The following ACOXL variants were observed in gnomAD, a reference collection of about 807,000 sequenced individuals.
The protein encoded by ACOXL is acyl-coenzyme A oxidase-like protein.
In ACOXL, 70 loss-of-function variants were observed where a neutral mutation model predicts 71.9. That is an observed-to-expected ratio of 0.97 (90% CI 0.80 to 1.19). ACOXL has a LOEUF of 1.19. ACOXL is among the 50% of genes most tolerant of loss of function. The pLI is 0.00. For missense variants in ACOXL, 703 were observed against 736.3 expected, an observed-to-expected ratio of 0.95 and a Z score of 0.52; for synonymous variants, 253 against 281.6, an observed-to-expected ratio of 0.90 and a Z score of 1.02.
chr2:111,051,409 C>T (rs2066282342), intron 16 of ACOXL, among the ~76,000 whole-genome samples: 1 of 152,174 alleles, frequency 6.6e-6, no homozygotes, highest in Non-Finnish European at 1.5e-5. Context: ...AATAAATTCC[C>T]ACATTTAACT....
At chr2:110,926,870 C>T (rs374770388) in intron 11 of ACOXL, among the ~76,000 whole-genome samples, 164 of 152,280 alleles carry the variant, frequency 1.1e-3, no homozygotes, top group African/African-American at 3.8e-3. Context: ...GAATCACCAG[C>T]GCCCTACCTG....
At chr2:111,044,058 G>T (rs2065905598) in intron 15 of ACOXL, among the ~76,000 whole-genome samples, 1 of 152,178 alleles carries the variant, frequency 6.6e-6, no homozygotes, top group Non-Finnish European at 1.5e-5. Flanking sequence ...CTGCCCTCCT[G>T]CCCTGACAAA....
intron 12 of ACOXL, among the ~76,000 whole-genome samples, chr2:110,965,645 A>G (rs1383142274): frequency 3.9e-5 from 6 of 152,206 alleles, no homozygotes; most frequent in Admixed American, 3.9e-4. Context: ...AGTTCTCAAA[A>G]AAGGACAATA....
intron 14 of ACOXL, among the ~76,000 whole-genome samples, chr2:111,005,976 C>A (rs1175541692): frequency 6.6e-6 from 1 of 152,274 alleles, no homozygotes; most frequent in East Asian, 1.9e-4. Context: ...TTTTAAAAAC[C>A]AATACAGCGG....
At chr2:110,967,920 T>C (rs1267440203) in intron 12 of ACOXL, 1 of 1,005,144 alleles carries the variant, frequency 9.9e-7, no homozygotes, top group East Asian at 2.4e-5. Flanking sequence ...GTAAAACTGG[T>C]TACTATGCTC....
intron 10 of ACOXL, among the ~76,000 whole-genome samples, chr2:110,876,467 G>A (rs1377425787): frequency 6.6e-6 from 1 of 152,198 alleles, no homozygotes; most frequent in Non-Finnish European, 1.5e-5. Flanking sequence ...GGGAGGGAGG[G>A]AGCAGGCTGG....
chr2:110,808,099 G>A (rs1444330334), intron 9 of ACOXL, among the ~76,000 whole-genome samples: 2 of 152,112 alleles, frequency 1.3e-5, no homozygotes, highest in African/African-American at 2.4e-5. Flanking sequence ...CCAAGAACAC[G>A]AGGAGAAGGA....
At chr2:110,918,840 A>G (rs544731382) in intron 11 of ACOXL, among the ~76,000 whole-genome samples, 4 of 152,362 alleles carry the variant, frequency 2.6e-5, no homozygotes, top group African/African-American at 9.6e-5. Context: ...ATGCAAATCA[A>G]AACCACAATG....
intron 10 of ACOXL, among the ~76,000 whole-genome samples, chr2:110,897,997 AAAG>A (rs1163805700): frequency 5.9e-5 from 9 of 152,214 alleles, no homozygotes; most frequent in Admixed American, 3.3e-4. Context: ...AACTTAGAGT[AAAG>A]AATAAATTCG....
chr2:110,942,963 A>C (rs2060925080), intron 12 of ACOXL, among the ~76,000 whole-genome samples: 1 of 142,436 alleles, frequency 7.0e-6, no homozygotes, highest in Non-Finnish European at 1.5e-5. Context: ...AAGAAAGAAA[A>C]GAAAAAAAAA....
chr2:110,883,276 A>G (rs895646102), intron 10 of ACOXL, among the ~76,000 whole-genome samples: 2 of 151,822 alleles, frequency 1.3e-5, no homozygotes, highest in Non-Finnish European at 2.9e-5. Flanking sequence ...TGCCTAGCTA[A>G]TTTTTGTATT....
intron 14 of ACOXL, among the ~76,000 whole-genome samples, chr2:111,027,161 G>T (rs954480672): frequency 6.6e-6 from 1 of 152,030 alleles, no homozygotes; most frequent in Non-Finnish European, 1.5e-5. Flanking sequence ...CCTCTAAAGT[G>T]CTGGGATTAC....
At chr2:110,776,466 G>T (rs1682664959) in intron 2 of ACOXL, among the ~76,000 whole-genome samples, 1 of 152,176 alleles carries the variant, frequency 6.6e-6, no homozygotes, top group Non-Finnish European at 1.5e-5. Flanking sequence ...ATGTAAAGGT[G>T]CTCAGAAGAG....
intron 11 of ACOXL, 92 bp from the exon 12 acceptor site, chr2:110,933,397 A>G (rs965998427): frequency 3.5e-5 from 49 of 1,417,372 alleles, no homozygotes; most frequent in Middle Eastern, 1.9e-4. Flanking sequence ...TCTTTCCTCA[A>G]ATAGCGTTAT....
At chr2:111,057,278 G>A (rs1425369964) in intron 16 of ACOXL, among the ~76,000 whole-genome samples, 1 of 152,216 alleles carries the variant, frequency 6.6e-6, no homozygotes, top group African/African-American at 2.4e-5. Context: ...ACTGATGCAT[G>A]CCTTGAGAGC....
At chr2:110,742,349 C>T (rs936099338) in intron 1 of ACOXL, among the ~76,000 whole-genome samples, 1 of 152,174 alleles carries the variant, frequency 6.6e-6, no homozygotes, top group African/African-American at 2.4e-5. Context: ...CTTTCCTCAA[C>T]CTTAAATGAA....
intron 14 of ACOXL, among the ~76,000 whole-genome samples, chr2:110,998,403 A>G (rs753973533): frequency 1.3e-5 from 2 of 152,214 alleles, no homozygotes; most frequent in Non-Finnish European, 2.9e-5. Context: ...CAAAGAACAA[A>G]TCAGAAAGCA....
chr2:110,944,160 C>T (rs976771715), intron 12 of ACOXL, among the ~76,000 whole-genome samples: 2 of 152,044 alleles, frequency 1.3e-5, no homozygotes, highest in African/African-American at 2.4e-5. Flanking sequence ...CAGGCTCAAG[C>T]GATTCTCCGG....
intron 2 of ACOXL, among the ~76,000 whole-genome samples, chr2:110,768,716 A>G (rs1225260929): frequency 1.3e-5 from 2 of 152,100 alleles, no homozygotes; most frequent in Non-Finnish European, 2.9e-5. Context: ...CTCCTCTCTC[A>G]AGTAGGCCGC....
Sources: allele counts gnomAD v4.1 joint callset (sites outside exome capture counted in the v4.1 genomes callset), GRCh38; gene constraint gnomAD v4.1.1; transcripts MANE v1.5; gene names NCBI Gene and HGNC (gene_info 2026-07-23, HGNC 2026-07-21).